SCD: variants seen among roughly 807,000 people sequenced by gnomAD.
SCD encodes stearoyl-CoA desaturase.
Under a neutral mutation model 35.7 loss-of-function variants are expected in SCD, and 4 were observed. That is an observed-to-expected ratio of 0.11 (90% CI 0.06 to 0.26). The LOEUF (loss-of-function observed/expected upper bound fraction) is 0.26. Ranked by LOEUF, SCD falls within the 10% of genes least tolerant of loss-of-function variation. The pLI is 1.00. For missense variants in SCD, 282 were observed against 460.7 expected (o/e 0.61, Z 3.55); for synonymous variants, 150 against 170.2 (o/e 0.88, Z 0.92).
intron 2 of SCD, among the ~76,000 whole-genome samples, chr10:100,348,895 C>T (rs978647839): frequency 3.3e-5 from 5 of 152,168 alleles, no homozygotes; most frequent in African/African-American, 4.8e-5. Context: ...CAGGCTTCTT[C>T]GTTACAGAGG....
At position 100,360,759 on chromosome 10, in the gene SCD, C is replaced by T. The variant is rs368108609; in HGVS notation, c.906C>T (p.His302=). Residue 302 remains histidine (H), a synonymous_variant, in exon 6 of 6, where the codon CAC becomes CAT. Coordinates refer to ENST00000370355, the MANE Select transcript of SCD (RefSeq NM_005063.5). ...GTGAGGGCTTCCACAACTACCACCA[C>T]TCCTTTCCCTATGACTACTCTGCCA... The part of the protein sequence containing the change: ...AVGEGFHNYH[H]SFPYDYSASE... 10 of 1,613,904 alleles carry T rather than the reference C, an allele frequency of 6.2e-6. No homozygotes were observed. The highest frequency in any genetic ancestry group is 8.5e-6 in the Non-Finnish European group (10 of 1,179,882).
intron 3 of SCD, 53 bp from the exon 4 acceptor site, chr10:100,354,374 C>T (rs983602799): frequency 1.3e-5 from 20 of 1,500,142 alleles, no homozygotes; most frequent in African/African-American, 2.8e-5. Flanking sequence ...TTGGGATTCT[C>T]CTAATAGGGT....
chr10:100,349,922 G>T (rs898634344), intron 2 of SCD, among the ~76,000 whole-genome samples: 1 of 152,094 alleles, frequency 6.6e-6, no homozygotes, highest in Non-Finnish European at 1.5e-5. Flanking sequence ...GTCTTCACAA[G>T]TAGTTTTCTC....
In SCD at chr10:100,356,647, G is replaced by A; in HGVS notation, c.763G>A (p.Ala255Thr). The part of the protein sequence containing the change: ...SVFVATFLRY[A>T]VVLNATWLVN... Reference sequence around the variant, plus strand: ...GTTCGTTGCCACTTTCTTGCGATATGCTGTGGTGCTTAATGCCACCTGGCT... The same window carrying A: ...GTTCGTTGCCACTTTCTTGCGATATACTGTGGTGCTTAATGCCACCTGGCT... Residue 255 changes from alanine (A) to threonine (T), a missense_variant, in exon 5 of 6, where the codon GCT (alanine) becomes ACT (threonine). By Grantham distance (58) the Ala-to-Thr change is moderately conservative. This residue lies in a region of SCD where 205 missense variants were observed against 372.3 expected (regional missense o/e 0.55). Transcript: ENST00000370355. The surrounding 1 kb of genome is among the most constrained non-coding windows in gnomAD (Gnocchi z 4.1). The A allele has an allele frequency of 6.2e-7, 1 of 1,614,222 alleles. No individual in the cohort carries two copies. Among genetic ancestry groups the A allele is most frequent in the Non-Finnish European group, 8.5e-7 (1 of 1,180,040 alleles).
Position 100,361,133 on chromosome 10 carries a change from T to C in SCD, c.*200T>C, listed in dbSNP as rs1849986000. ...GATGCTAAGCTGATATTATTTCTTC[T>C]CTTATCCTCTCTCTCTTCTAGGCCC... On this transcript the variant is annotated 3_prime_UTR_variant, in exon 6 of 6. Transcript: ENST00000370355. 3.4e-6 allele frequency: 2 copies of C among 581,100 alleles called. No individual in the cohort carries two copies. Among genetic ancestry groups the C allele is most frequent in the South Asian group, 4.2e-5 (2 of 47,848 alleles). 36.0% of individuals were successfully genotyped at this position (581,100 alleles called of 1,614,324 possible).
Position 100,364,458 on chromosome 10 carries a change from A to C in SCD, c.*3525A>C, listed in dbSNP as rs1850020843. On this transcript the variant is annotated 3_prime_UTR_variant, in exon 6 of 6. Coordinates refer to ENST00000370355, the MANE Select transcript of SCD (RefSeq NM_005063.5). ...TTTAGAAAGCATTTTGGGATCCTTC[A>C]GCACAGGAATTCTCAAGACCTGAGT... is the stretch of plus-strand genomic sequence containing the variant. 6.5e-6 allele frequency: 1 copy of C among 152,676 alleles called. No homozygotes were observed. The highest frequency in any genetic ancestry group is 6.5e-5 in the Admixed American group (1 of 15,280). 9.5% of individuals were successfully genotyped at this position (152,676 alleles called of 1,614,324 possible). A position where few individuals can be genotyped will look rare whatever the true frequency, so the allele number is the denominator to read the frequency against.
intron 5 of SCD, among the ~76,000 whole-genome samples, chr10:100,359,419 T>G (rs1470968861): frequency 2.6e-5 from 4 of 152,222 alleles, no homozygotes; most frequent in Non-Finnish European, 5.9e-5. Flanking sequence ...TTTCTACCCG[T>G]TGACCCTCTT....
chr10:100,361,788 A>T lies in SCD; in HGVS notation c.*855A>T, dbSNP rs200922697. On this transcript the variant is annotated 3_prime_UTR_variant, in exon 6 of 6. Transcript: ENST00000370355. ...ATAACAAGGAGATTTCTTAGTTCAT[A>T]TATCAAGAAGTCTTGAAGTTGGGTG... The T allele has an allele frequency of 6.6e-6, 1 of 152,220 alleles. No homozygotes were observed. Among genetic ancestry groups the T allele is most frequent in the Non-Finnish European group, 1.5e-5 (1 of 68,042 alleles). 9.4% of individuals were successfully genotyped at this position (152,220 alleles called of 1,614,324 possible).
rs1850000515 is a variant in SCD, at chr10:100,362,592, G to C, written c.*1659G>C. On this transcript the variant is annotated 3_prime_UTR_variant, in exon 6 of 6. Transcript: ENST00000370355. ...TCCTTTGTGTGTATTCAGAGGCAGT[G>C]ATGACTTGCTGTCCAGGCAGCTCCC... 1 of 152,230 alleles carries C rather than the reference G, an allele frequency of 6.6e-6. No individual in the cohort carries two copies. Among genetic ancestry groups the C allele is most frequent in the Non-Finnish European group, 1.5e-5 (1 of 68,078 alleles). 9.4% of individuals were successfully genotyped at this position (152,230 alleles called of 1,614,324 possible). A position where few individuals can be genotyped will look rare whatever the true frequency, so the allele number is the denominator to read the frequency against.
intron 3 of SCD, among the ~76,000 whole-genome samples, chr10:100,353,173 A>G (rs974589999): frequency 6.6e-6 from 1 of 152,192 alleles, no homozygotes; most frequent in Non-Finnish European, 1.5e-5. Context: ...AATAGGTACT[A>G]TTATCCCCAT....
intron 5 of SCD, among the ~76,000 whole-genome samples, chr10:100,357,148 T>A (rs960724609): frequency 2.0e-5 from 3 of 152,208 alleles, no homozygotes; most frequent in African/African-American, 7.2e-5. Flanking sequence ...ACCCTGTTTC[T>A]ATTAAAAAGC....
chr10:100,353,532 C>A (rs1477077708), intron 3 of SCD, among the ~76,000 whole-genome samples: 6 of 148,048 alleles, frequency 4.1e-5, no homozygotes, highest in Admixed American at 1.4e-4. Flanking sequence ...TTGCAGTGAG[C>A]TGAGATCGCG....
chr10:100,361,135 T>C lies in SCD; in HGVS notation c.*202T>C, dbSNP rs1849986033. On this transcript the variant is annotated 3_prime_UTR_variant, in exon 6 of 6. Transcript: ENST00000370355. ...TGCTAAGCTGATATTATTTCTTCTCTTATCCTCTCTCTCTTCTAGGCCCAT... is the reference window on the plus strand; with the variant it reads ...TGCTAAGCTGATATTATTTCTTCTCCTATCCTCTCTCTCTTCTAGGCCCAT... The C allele has an allele frequency of 1.7e-6, 1 of 580,938 alleles. No homozygotes were observed. Among genetic ancestry groups the C allele is most frequent in the Admixed American group, 3.2e-5 (1 of 31,736 alleles). 36.0% of individuals were successfully genotyped at this position (580,938 alleles called of 1,614,324 possible).
In SCD at chr10:100,352,864, T is replaced by G. The variant is rs1400166032; in HGVS notation, c.441+368T>G. Among the ~76,000 whole-genome samples the G allele has an allele frequency of 6.6e-6, 1 of 152,150 alleles. No homozygotes were observed. Among genetic ancestry groups the G allele is most frequent in the Non-Finnish European group, 1.5e-5 (1 of 68,046 alleles). On this transcript the variant is annotated intron_variant, in intron 3 of 5. Coordinates refer to ENST00000370355, the MANE Select transcript of SCD (RefSeq NM_005063.5). This position sits in a 1 kb window ranked among gnomAD's most constrained non-coding sequence, Gnocchi z 4.2. ...AGACACTGGACAATAAATTCACTAT[T>G]TAAGGTAAATATCTTAGGGAGGCAG... is the stretch of plus-strand genomic sequence containing the variant.
chr10:100,360,955 T>G lies in SCD; in HGVS notation c.*22T>G. 6.2e-7 allele frequency: 1 copy of G among 1,605,696 alleles called. No individual in the cohort carries two copies. The highest frequency in any genetic ancestry group is 8.5e-7 in the Non-Finnish European group (1 of 1,174,284). ...CTGAGTTTGGGGTCCCTCAGGTTCC[T>G]TTTTCAAAAACCAGCCAGGCAGAGG... On this transcript the variant is annotated 3_prime_UTR_variant, in exon 6 of 6. Transcript: ENST00000370355.
intron 3 of SCD, among the ~76,000 whole-genome samples, chr10:100,354,026 A>T (rs1398443152): frequency 1.5e-4 from 23 of 152,230 alleles, no homozygotes; most frequent in Admixed American, 1.3e-3. Context: ...TTGAGACCCT[A>T]GGACACAAGG....
Position 100,361,211 on chromosome 10 carries a change from C to T in SCD, c.*278C>T. The T allele has an allele frequency of 7.2e-6, 3 of 414,268 alleles. No individual in the cohort carries two copies. In the South Asian group the frequency reaches 7.7e-5, roughly 11 times the overall value. 25.7% of individuals were successfully genotyped at this position (414,268 alleles called of 1,614,324 possible). A position where few individuals can be genotyped will look rare whatever the true frequency, so the allele number is the denominator to read the frequency against. On this transcript the variant is annotated 3_prime_UTR_variant, in exon 6 of 6. Transcript: ENST00000370355. ...TCGCCCTCCTTTCCCTTATTGCCTC[C>T]CAGGCAAGCAGCTGGTCAGTCTTTG...
intron 3 of SCD, 123 bp from the exon 4 acceptor site, chr10:100,354,304 C>T: frequency 2.4e-6 from 2 of 832,664 alleles, no homozygotes; most frequent in Non-Finnish European, 3.9e-6. Flanking sequence ...CTTTGGAGCC[C>T]AGATTCCTGG....
intron 2 of SCD, among the ~76,000 whole-genome samples, chr10:100,349,299 G>A (rs1263141898): frequency 1.3e-5 from 2 of 152,182 alleles, no homozygotes; most frequent in East Asian, 3.9e-4. Context: ...ACACACATGC[G>A]CTTTGCAGGC....
Sources: gnomAD v4.1 joint callset for allele counts (sites outside exome capture counted in the v4.1 genomes callset) on GRCh38, gnomAD v4.1.1 for gene constraint, gnomAD v4.1.1 regional missense constraint, Gnocchi (gnomAD v3.1) non-coding constraint, MANE v1.5 for transcripts, NCBI Gene and HGNC (gene_info 2026-07-23, HGNC 2026-07-21) for gene names.